Variants in PPP2R5C observed in about 807,000 individuals in gnomAD.
The protein encoded by PPP2R5C is serine/threonine-protein phosphatase 2A 56 kDa regulatory subunit gamma isoform.
Under a neutral mutation model 68.9 loss-of-function variants are expected in PPP2R5C, and 7 were observed. That is an observed-to-expected ratio of 0.10 (90% CI 0.06 to 0.19). The LOEUF (loss-of-function observed/expected upper bound fraction) is 0.19. Ranked by LOEUF, PPP2R5C falls within the 10% of genes least tolerant of loss-of-function variation. The pLI, the probability that PPP2R5C is intolerant of heterozygous loss-of-function variation, is 1.00. For missense variants in PPP2R5C, 348 were observed against 641.3 expected, an observed-to-expected ratio of 0.54 and a Z score of 4.94; for synonymous variants, 210 against 222.2, an observed-to-expected ratio of 0.95 and a Z score of 0.49.
At chr14:101,912,213 A>G (rs191756284) in intron 11 of PPP2R5C, among the ~76,000 whole-genome samples, 188 bp from the exon 14 acceptor site, 16 of 152,308 alleles carry the variant, frequency 1.1e-4, no homozygotes, top group Non-Finnish European at 1.8e-4. Flanking sequence ...AAATTTTTTT[A>G]TATTTTCTCA....
chr14:101,835,475 T>A lies in PPP2R5C; in HGVS notation c.95-21211T>A, dbSNP rs537038369. Among the ~76,000 whole-genome samples, 1 of 152,314 alleles carries A rather than the reference T, an allele frequency of 6.6e-6. No homozygotes were observed. The highest frequency in any genetic ancestry group is 2.1e-4 in the South Asian group (1 of 4,826). ...AGTCAGACTTGCAGTTAAGGTAGTGTCCCAGACGTTTGTTCAGAGGGCTCC... is the reference window on the plus strand; with the variant it reads ...AGTCAGACTTGCAGTTAAGGTAGTGACCCAGACGTTTGTTCAGAGGGCTCC... On this transcript the variant is annotated intron_variant, in intron 1 of 13. Coordinates refer to ENST00000334743, the Ensembl canonical transcript of PPP2R5C. This position sits in a 1 kb window ranked among gnomAD's most constrained non-coding sequence, Gnocchi z 5.0.
chr14:101,808,832 T>TA (rs1371359810), upstream of PPP2R5C, among the ~76,000 whole-genome samples: 2 of 152,258 alleles, frequency 1.3e-5, no homozygotes, highest in Non-Finnish European at 2.9e-5. Context: ...GCTTTTCTTA[T>TA]AGTTCGTTTT....
chr14:101,874,961 A>G (rs1425474191), intron 2 of PPP2R5C, among the ~76,000 whole-genome samples: 1 of 152,134 alleles, frequency 6.6e-6, no homozygotes, highest in Non-Finnish European at 1.5e-5. Flanking sequence ...GCTGGTCTTG[A>G]GCTCCTAACC....
chr14:101,896,926 G>A lies in PPP2R5C; in HGVS notation c.852+2366G>A, dbSNP rs138079666. ...TAACATTGAATTTCTGAGTTAAACT[G>A]GCTTTTGGGCTCTGCTTTCTTGTAA... is the stretch of plus-strand genomic sequence containing the variant. On this transcript the variant is annotated intron_variant, in intron 8 of 13. Transcript: ENST00000334743. Among the ~76,000 whole-genome samples the A allele has an allele frequency of 2.6e-3, 401 of 152,260 alleles. 2 individuals are homozygous for A. Among genetic ancestry groups the A allele is most frequent in the Non-Finnish European group, 3.4e-3 (233 of 68,024 alleles).
exon 9 of PPP2R5C, chr14:101,901,727 G>C: frequency 6.2e-7 from 1 of 1,613,310 alleles, no homozygotes; most frequent in Non-Finnish European, 8.5e-7. Context: ...AGGTGGTGAT[G>C]GCACTTCTCA....
chr14:101,898,196 AG>A lies in PPP2R5C; in HGVS notation c.853-3522del, dbSNP rs1487550489. Among the ~76,000 whole-genome samples the A allele has an allele frequency of 2.0e-5, 3 of 152,184 alleles. No individual in the cohort carries two copies. In the East Asian group the frequency reaches 5.8e-4, roughly 29 times the overall value. The stretch of plus-strand genomic sequence containing the variant: ...GTAAATACAAATGGAAGGGAAAAAA[AG>A]CTATGGAAGGAGAGATTTTTGAAAG... On this transcript the variant is annotated intron_variant, in intron 8 of 13. Transcript: ENST00000334743.
intron 1 of PPP2R5C, chr14:101,819,051 G>A (rs969511833): frequency 1.3e-6 from 2 of 1,551,414 alleles, no homozygotes; most frequent in African/African-American, 2.7e-5. Flanking sequence ...TTCCTGAGTT[G>A]CTGGTTCTTA....
chr14:101,923,025 C>T (rs1046768743), intron 13 of PPP2R5C, among the ~76,000 whole-genome samples: 7 of 152,160 alleles, frequency 4.6e-5, no homozygotes, highest in African/African-American at 1.7e-4. Flanking sequence ...AGAAGAGAGG[C>T]CACCTCTCTC....
chr14:101,808,938 T>C (rs943817536), upstream of PPP2R5C, among the ~76,000 whole-genome samples: 5 of 152,224 alleles, frequency 3.3e-5, no homozygotes, highest in Middle Eastern at 3.2e-3. Context: ...TCAGAAATAA[T>C]GTTTTTCTCC....
At position 101,882,040 on chromosome 14, in the gene PPP2R5C, T is replaced by C; in HGVS notation, c.295-121T>C. 1.4e-6 allele frequency: 1 copy of C among 734,348 alleles called. No homozygotes were observed. The highest frequency in any genetic ancestry group is 3.3e-5 in the Admixed American group (1 of 30,414). The allele number at this position is 734,348 out of a possible 1,614,324, so 45.5% of individuals were successfully genotyped here. On this transcript the variant is annotated intron_variant, in intron 2 of 13. Transcript: ENST00000334743. This position sits in a 1 kb window ranked among gnomAD's most constrained non-coding sequence, Gnocchi z 4.9. ...CCACACAGCTTCTGCGTTTTGAGGA[T>C]ACGGAGGAGCTAAGTTACCATGGGA... is the stretch of plus-strand genomic sequence containing the variant.
At chr14:101,847,585 G>A (rs866371382) in intron 1 of PPP2R5C, among the ~76,000 whole-genome samples, 1 of 151,776 alleles carries the variant, frequency 6.6e-6, no homozygotes, top group South Asian at 2.1e-4. Context: ...CTAGCACAGT[G>A]CCTGGCGTGT....
chr14:101,836,575 G>C (rs954049384), intron 1 of PPP2R5C: 2 of 537,452 alleles, frequency 3.7e-6, no homozygotes, highest in African/African-American at 3.8e-5. Context: ...TACTTTAAAT[G>C]CCTGGGGTGT....
intron 1 of PPP2R5C, among the ~76,000 whole-genome samples, chr14:101,837,879 G>A (rs1404707304): frequency 2.6e-5 from 4 of 152,234 alleles, no homozygotes; most frequent in African/African-American, 9.6e-5. Flanking sequence ...GGAATGGGAA[G>A]GGTAGGCTCA....
intron 2 of PPP2R5C, among the ~76,000 whole-genome samples, chr14:101,857,171 CTATT>C (rs2042469148): frequency 1.3e-5 from 2 of 152,166 alleles, no homozygotes; most frequent in African/African-American, 4.8e-5. Context: ...ATTTGTATTT[CTATT>C]TATTATTTTA....
exon 1 of PPP2R5C, chr14:101,809,896 T>A: frequency 6.3e-7 from 1 of 1,587,580 alleles, no homozygotes; most frequent in Non-Finnish European, 8.6e-7. Flanking sequence ...AAATGGAGGC[T>A]GGTTTCTTGC....
chr14:101,760,737 G>T (rs1240095485), upstream of PPP2R5C: 8 of 870,344 alleles, frequency 9.2e-6, no homozygotes, highest in African/African-American at 2.6e-5. Flanking sequence ...GTGAGGGGAG[G>T]GGCTGGTCGA....
upstream of PPP2R5C, among the ~76,000 whole-genome samples, chr14:101,761,449 A>C (rs2036519978): frequency 6.7e-6 from 1 of 150,250 alleles, no homozygotes; most frequent in Non-Finnish European, 1.5e-5. Flanking sequence ...GCCGGCTCGC[A>C]GCGACTCGGG....
chr14:101,774,688 T>C (rs183885237), intron 2 of PPP2R5C, among the ~76,000 whole-genome samples: 159 of 152,336 alleles, frequency 1.0e-3, no homozygotes, highest in African/African-American at 3.5e-3. Context: ...AACTTGCCTC[T>C]TCCTTCACTC....
chr14:101,919,993 C>CAAAAAA (rs367834588), intron 13 of PPP2R5C, among the ~76,000 whole-genome samples: 1 of 117,476 alleles, frequency 8.5e-6, no homozygotes, highest in Non-Finnish European at 1.7e-5. Flanking sequence ...AAAAAAAAAA[C>CAAAAAA]CAATTCTTAC....
Sources: allele counts gnomAD v4.1 joint callset (sites outside exome capture counted in the v4.1 genomes callset), GRCh38; gene constraint gnomAD v4.1.1; non-coding constraint Gnocchi (gnomAD v3.1); transcripts MANE v1.5; gene names NCBI Gene and HGNC (gene_info 2026-07-23, HGNC 2026-07-21).